The following PGCKA1 variants were observed in gnomAD, a reference collection of about 807,000 sequenced individuals.
PGCKA1 encodes PDCD10 and GCKIII kinases-associated protein 1.
the PGCKA1 span, among the ~76,000 whole-genome samples, chr4:37,573,247 T>C: frequency 6.6e-6 from 1 of 152,254 alleles, no homozygotes; most frequent in Non-Finnish European, 1.5e-5. Context: ...TCTACAAATC[T>C]ATCAGTTAGT....
At chr4:37,453,455 T>C in the PGCKA1 span, among the ~76,000 whole-genome samples, 1 of 152,026 alleles carries the variant, frequency 6.6e-6, no homozygotes. Flanking sequence ...ATGTAGCTCA[T>C]ACAGGGCTGG....
the PGCKA1 span, among the ~76,000 whole-genome samples, chr4:37,579,399 A>G: frequency 1.3e-5 from 2 of 152,178 alleles, no homozygotes; most frequent in African/African-American, 4.8e-5. Context: ...GCTCATTAAC[A>G]TCCCTTTCTT....
chr4:37,466,649 G>A, the PGCKA1 span, among the ~76,000 whole-genome samples: 4 of 151,818 alleles, frequency 2.6e-5, no homozygotes, highest in Admixed American at 1.3e-4. Context: ...AAGTGGATGG[G>A]TTCCTAGGAT....
At chr4:37,575,517 T>C in the PGCKA1 span, among the ~76,000 whole-genome samples, 1 of 152,180 alleles carries the variant, frequency 6.6e-6, no homozygotes, top group African/African-American at 2.4e-5. Context: ...GTCAGATGGA[T>C]AGTTTGCAAA....
At chr4:37,497,856 T>A in the PGCKA1 span, among the ~76,000 whole-genome samples, 44 of 152,202 alleles carry the variant, frequency 2.9e-4, no homozygotes, top group Admixed American at 2.9e-3. Context: ...TGACTGTTCC[T>A]TTTGCCATGC....
the PGCKA1 span, among the ~76,000 whole-genome samples, chr4:37,564,429 C>A: frequency 2.0e-5 from 3 of 152,084 alleles, no homozygotes; most frequent in Non-Finnish European, 4.4e-5. Context: ...CTCATAGGAC[C>A]CTGACCAGTA....
the PGCKA1 span, among the ~76,000 whole-genome samples, chr4:37,581,885 A>G: frequency 6.6e-6 from 1 of 152,174 alleles, no homozygotes; most frequent in Non-Finnish European, 1.5e-5. This position sits in a 1 kb window ranked among gnomAD's most constrained non-coding sequence, Gnocchi z 4.4. Flanking sequence ...ACTTTAGTCC[A>G]TGGTGGTGCG....
At chr4:37,577,450 G>T in the PGCKA1 span, among the ~76,000 whole-genome samples, 7 of 151,846 alleles carry the variant, frequency 4.6e-5, no homozygotes, top group Non-Finnish European at 1.0e-4. Context: ...TATTTATTTG[G>T]ATCTTCTCTC....
chr4:37,486,820 C>T, the PGCKA1 span, among the ~76,000 whole-genome samples: 1 of 152,196 alleles, frequency 6.6e-6, no homozygotes, highest in Non-Finnish European at 1.5e-5. Flanking sequence ...CCCATACCTT[C>T]ATAATATATT....
the PGCKA1 span, chr4:37,461,193 G>C: frequency 6.4e-6 from 1 of 155,718 alleles, no homozygotes; most frequent in Non-Finnish European, 1.4e-5. Context: ...GTTGGTACCA[G>C]TACCATGCTG....
chr4:37,495,573 G>T, the PGCKA1 span, among the ~76,000 whole-genome samples: 1 of 152,146 alleles, frequency 6.6e-6, no homozygotes, highest in Non-Finnish European at 1.5e-5. Context: ...CATGGATGAA[G>T]CTGGAAACCA....
chr4:37,465,466 C>T, the PGCKA1 span, among the ~76,000 whole-genome samples: 12 of 152,096 alleles, frequency 7.9e-5, no homozygotes, highest in East Asian at 9.7e-4. Flanking sequence ...GACTCTTACC[C>T]GGCAAAGGGA....
the PGCKA1 span, among the ~76,000 whole-genome samples, chr4:37,483,913 G>C: frequency 6.6e-6 from 1 of 152,204 alleles, no homozygotes; most frequent in African/African-American, 2.4e-5. Flanking sequence ...CCTCCACTCA[G>C]AATGTAAGTC....
At chr4:37,491,283 G>T in the PGCKA1 span, among the ~76,000 whole-genome samples, 1 of 152,174 alleles carries the variant, frequency 6.6e-6, no homozygotes, top group African/African-American at 2.4e-5. Context: ...TATTCTCTCT[G>T]TCCACACCAC....
At chr4:37,558,213 A>T in the PGCKA1 span, 7 of 152,274 alleles carry the variant, frequency 4.6e-5, no homozygotes, top group Admixed American at 4.6e-4. Flanking sequence ...GAAGTCCCCA[A>T]AGTCTCCTTC....
At chr4:37,519,344 G>A in the PGCKA1 span, among the ~76,000 whole-genome samples, 5 of 152,042 alleles carry the variant, frequency 3.3e-5, no homozygotes, top group Non-Finnish European at 5.9e-5. Context: ...CATTGAATCT[G>A]TAGATTGCTT....
At chr4:37,518,445 CT>C in the PGCKA1 span, among the ~76,000 whole-genome samples, 1 of 152,142 alleles carries the variant, frequency 6.6e-6, no homozygotes, top group Non-Finnish European at 1.5e-5. Flanking sequence ...TATCGCCTGT[CT>C]TTTTTATACA....
the PGCKA1 span, among the ~76,000 whole-genome samples, chr4:37,530,635 T>G: frequency 6.7e-6 from 1 of 150,236 alleles, no homozygotes; most frequent in Non-Finnish European, 1.5e-5. Flanking sequence ...GAAGAATGAT[T>G]GCCACTGGGC....
chr4:37,592,195 C>T, the PGCKA1 span, among the ~76,000 whole-genome samples: 91 of 123,376 alleles, frequency 7.4e-4, 1 homozygote, highest in Middle Eastern at 9.9e-3. Context: ...GGTGACAGTG[C>T]AAGACTCCAT....
Sources: gnomAD v4.1 joint callset for allele counts (sites outside exome capture counted in the v4.1 genomes callset) on GRCh38, gnomAD v4.1.1 for gene constraint, Gnocchi (gnomAD v3.1) non-coding constraint, MANE v1.5 for transcripts, NCBI Gene and HGNC (gene_info 2026-07-23, HGNC 2026-07-21) for gene names.